The following KCND2 variants were observed in gnomAD, a reference collection of about 807,000 sequenced individuals.
The protein encoded by KCND2 is A-type voltage-gated potassium channel KCND2.
KCND2 carries 16 observed loss-of-function variants against 54.4 expected under a neutral mutation model. The observed-to-expected ratio is 0.29, with a 90% CI of 0.20 to 0.45. The LOEUF (loss-of-function observed/expected upper bound fraction) is 0.45, where lower values mean the gene tolerates loss of function less well. Ranked by LOEUF, KCND2 falls within the 20% of genes least tolerant of loss-of-function variation. The probability of loss-of-function intolerance (pLI) is 1.00; values close to 1 mark genes in which losing one functional copy is unlikely to be tolerated. For synonymous variants in KCND2, 317 were observed against 310.7 expected (o/e 1.02, Z -0.21); for missense variants, 486 against 824.2 (o/e 0.59, Z 5.02).
At chr7:120,496,136 A>T (rs191966627) in intron 1 of KCND2, among the ~76,000 whole-genome samples, 2 of 152,288 alleles carry the variant, frequency 1.3e-5, no homozygotes, top group East Asian at 3.9e-4. Context: ...AGAAGCATCC[A>T]CTCTGAGTCA....
rs1165072810 is a variant in KCND2, at chr7:120,524,013, A to T, written c.1116-208890A>T. On this transcript the variant is annotated intron_variant, in intron 1 of 5. Coordinates refer to ENST00000331113, the MANE Select transcript of KCND2 (RefSeq NM_012281.3). ...CACTTTGGGAGGCCAAGTTGGGCAG[A>T]TCACCTGAGATCAGGAGTTGGAGAC... is the stretch of plus-strand genomic sequence containing the variant. Among the ~76,000 whole-genome samples, 4 of 152,188 alleles carry T rather than the reference A, an allele frequency of 2.6e-5. No homozygotes were observed. The East Asian group carries it at 7.7e-4, about 29-fold the overall frequency.
At chr7:120,298,255 T>G (rs1174204039) in intron 1 of KCND2, among the ~76,000 whole-genome samples, 1 of 152,122 alleles carries the variant, frequency 6.6e-6, no homozygotes, top group Admixed American at 6.6e-5. Flanking sequence ...CTAGGGCGCA[T>G]CCTCTCCTTA....
intron 1 of KCND2, among the ~76,000 whole-genome samples, chr7:120,570,989 G>A (rs1457494840): frequency 1.3e-5 from 2 of 152,134 alleles, no homozygotes; most frequent in Admixed American, 1.3e-4. Flanking sequence ...TTGTCTATAT[G>A]AGGAGACCCT....
intron 1 of KCND2, among the ~76,000 whole-genome samples, chr7:120,722,532 A>G (rs1429205396): frequency 6.6e-6 from 1 of 152,222 alleles, no homozygotes; most frequent in Non-Finnish European, 1.5e-5. Flanking sequence ...CTTTTCTGTG[A>G]CACTTAAGGA....
chr7:120,734,881 G>A (rs928948311), intron 2 of KCND2, among the ~76,000 whole-genome samples: 17 of 151,996 alleles, frequency 1.1e-4, no homozygotes, highest in African/African-American at 4.1e-4. Context: ...TTCCAGAACG[G>A]GATCTTAAGC....
intron 1 of KCND2, among the ~76,000 whole-genome samples, chr7:120,285,453 TTACTA>T (rs1799325913): frequency 1.3e-5 from 2 of 151,978 alleles, no homozygotes; most frequent in Admixed American, 6.6e-5. Flanking sequence ...TATTAGAACA[TTACTA>T]TAGTTAGAAA....
At chr7:120,295,649 G>T (rs893031149) in intron 1 of KCND2, among the ~76,000 whole-genome samples, 2 of 151,896 alleles carry the variant, frequency 1.3e-5, no homozygotes, top group Non-Finnish European at 2.9e-5. Flanking sequence ...GGGATAAGGA[G>T]AATATTTTTA....
intron 1 of KCND2, among the ~76,000 whole-genome samples, chr7:120,470,031 A>C (rs1333575316): frequency 6.6e-6 from 1 of 152,114 alleles, no homozygotes; most frequent in African/African-American, 2.4e-5. Context: ...GGTGGAATAC[A>C]GTATAATTTC....
At chr7:120,277,441 A>C (rs538270239) in intron 1 of KCND2, among the ~76,000 whole-genome samples, 1 of 152,236 alleles carries the variant, frequency 6.6e-6, no homozygotes, top group South Asian at 2.1e-4. Flanking sequence ...ATGACGTCAA[A>C]TTAGAAGTAC....
chr7:120,282,063 A>G (rs1157674272), intron 1 of KCND2, among the ~76,000 whole-genome samples: 2 of 152,110 alleles, frequency 1.3e-5, no homozygotes, highest in African/African-American at 2.4e-5. Flanking sequence ...GAACAGTTTG[A>G]TTTCTGGTGA....
At chr7:120,505,858 T>G (rs1226104678) in intron 1 of KCND2, among the ~76,000 whole-genome samples, 1 of 151,854 alleles carries the variant, frequency 6.6e-6, no homozygotes, top group Admixed American at 6.6e-5. Context: ...GGGTGCAAGT[T>G]GTTCTTATAA....
intron 1 of KCND2, among the ~76,000 whole-genome samples, chr7:120,471,963 G>T (rs1026571878): frequency 6.6e-6 from 1 of 151,706 alleles, no homozygotes; most frequent in African/African-American, 2.4e-5. Context: ...TATTTATTAT[G>T]TGTCAAAGAT....
At chr7:120,612,223 T>G (rs1417886774) in intron 1 of KCND2, among the ~76,000 whole-genome samples, 2 of 152,174 alleles carry the variant, frequency 1.3e-5, no homozygotes, top group East Asian at 3.8e-4. Flanking sequence ...TTTGAACAAG[T>G]AACAATACTT....
intron 1 of KCND2, among the ~76,000 whole-genome samples, chr7:120,632,095 A>G (rs7790449): frequency 0.39 from 58,916 of 151,898 alleles, 13,442 homozygotes; most frequent in African/African-American, 0.62. Flanking sequence ...AACCTCTCTG[A>G]GACATAGCAT....
chr7:120,679,043 A>G (rs1011961805), intron 1 of KCND2, among the ~76,000 whole-genome samples: 3 of 151,828 alleles, frequency 2.0e-5, no homozygotes, highest in Admixed American at 6.6e-5. Flanking sequence ...CATTGCTTAC[A>G]TAAACAGTGA....
intron 1 of KCND2, among the ~76,000 whole-genome samples, chr7:120,397,989 GTGTGTGTATATATATATATATATA>G (rs1225561927): frequency 4.0e-4 from 16 of 40,362 alleles, no homozygotes; most frequent in Non-Finnish European, 6.2e-4. Context: ...GTGTGTGTGT[GTGTGTGTATATATATATATATATA>G]TATATATATA....
chr7:120,585,045 A>G (rs573072867), intron 1 of KCND2, among the ~76,000 whole-genome samples: 4 of 152,188 alleles, frequency 2.6e-5, no homozygotes, highest in Non-Finnish European at 5.9e-5. Flanking sequence ...GAGTTTAGAC[A>G]GGGCTTTTTC....
At chr7:120,718,872 G>A (rs1028458139) in intron 1 of KCND2, among the ~76,000 whole-genome samples, 10 of 152,094 alleles carry the variant, frequency 6.6e-5, no homozygotes, top group Non-Finnish European at 1.2e-4. Flanking sequence ...CAATAACCTT[G>A]GTTGTCTGGA....
intron 1 of KCND2, among the ~76,000 whole-genome samples, chr7:120,452,581 T>G (rs561691110): frequency 6.6e-6 from 1 of 152,230 alleles, no homozygotes; most frequent in African/African-American, 2.4e-5. Flanking sequence ...CTCCAGCAAC[T>G]CCTGGGGAAG....
Sources: allele counts gnomAD v4.1 joint callset (sites outside exome capture counted in the v4.1 genomes callset), GRCh38; gene constraint gnomAD v4.1.1; transcripts MANE v1.5; gene names NCBI Gene and HGNC (gene_info 2026-07-23, HGNC 2026-07-21).